The following PRAMEF17 variants were observed in gnomAD, a reference collection of about 807,000 sequenced individuals.
The protein encoded by PRAMEF17 is PRAME family member 17.
A neutral mutation model predicts 36.8 loss-of-function variants in PRAMEF17; 48 were observed. The ratio of observed to expected loss-of-function variants is 1.30; its 90% CI spans 1.03 to 1.66. The LOEUF (loss-of-function observed/expected upper bound fraction) is 1.66. Ranked by LOEUF, PRAMEF17 falls within the 40% of genes most tolerant of loss-of-function variation. PRAMEF17 has a pLI of 0.00. For missense variants in PRAMEF17, 639 were observed against 560.6 expected, an observed-to-expected ratio of 1.14 and a Z score of -1.41; for synonymous variants, 246 against 220.4, an observed-to-expected ratio of 1.12 and a Z score of -1.03.
chr1:13,390,382 G>A lies in PRAMEF17; in HGVS notation c.329G>A (p.Gly110Glu), dbSNP rs200830320. 173,069 of 1,611,126 alleles carry A rather than the reference G, an allele frequency of 0.11. 9,676 individuals are homozygous for A. The highest frequency in any genetic ancestry group is 0.19 in the East Asian group (8,347 of 44,838). ...GTGCTGGATTTGCGGGATGTTGATG[G>A]GAATTTCTGGACTATATGGTCTGGA... ...LQVLDLRDVD[G>E]NFWTIWSGAR... The change falls in exon 2 of 3, where the codon GGG (glycine) becomes GAG (glutamate). Residue 110 changes from glycine (G) to glutamate (E), a missense_variant. Transcript: ENST00000376098.
In PRAMEF17 at chr1:13,392,200, C is replaced by T. The variant is rs1185627037; in HGVS notation, c.1123C>T (p.Arg375Cys). The T allele has an allele frequency of 2.7e-5, 44 of 1,611,848 alleles. No individual in the cohort carries two copies. The highest frequency in any genetic ancestry group is 3.4e-5 in the Non-Finnish European group (40 of 1,179,860). Residue 375 changes from arginine to cysteine, a missense_variant, in exon 3 of 3, where the codon CGC (arginine) becomes TGC (cysteine). Arg to Cys is a radical substitution (Grantham distance 180). Transcript: ENST00000376098. ...QLRVLLPALS[R>C]CSQLTTFYFR... ...CAGGGTCCTCCTGCCTGCCCTGAGC[C>T]GCTGCTCCCAGCTCACCACCTTCTA...
rs367575766 is a variant in PRAMEF17 at position 13,391,952 on chromosome 1, A to G, written c.875A>G (p.Lys292Arg). The G allele has an allele frequency of 4.3e-5, 70 of 1,611,192 alleles. No homozygotes were observed. The African/African-American group carries it at 7.1e-4, about 16-fold the overall frequency. Residue 292 changes from lysine to arginine, a missense_variant, in exon 3 of 3, where the codon AAG (lysine) becomes AGG (arginine). Physicochemically the swap from Lys to Arg is conservative, Grantham distance 26 (BLOSUM62 2). Transcript: ENST00000376098. ...TTTCTTGCTCTCCCCAGGTGCCTCA[A>G]GAACCCCTTGGGAACCTTTATATTC... is the stretch of plus-strand genomic sequence containing the variant. ...EHLEHLLRCL[K>R]NPLGTFIFCH...
rs1176869630 is a variant in PRAMEF17, at chr1:13,389,959, G to A, written c.287+15G>A. ...CTTCGCCCCAGGTGAGGTGACTCAGGTGGCCTGGTGGGAAGGGTCCAGGCA... is the reference window on the plus strand; with the variant it reads ...CTTCGCCCCAGGTGAGGTGACTCAGATGGCCTGGTGGGAAGGGTCCAGGCA... On this transcript the variant is annotated intron_variant, in intron 1 of 2. Coordinates refer to ENST00000376098, the MANE Select transcript of PRAMEF17 (RefSeq NM_001099851.3). 2.8e-4 allele frequency: 449 copies of A among 1,612,190 alleles called. No individual in the cohort carries two copies. The highest frequency in any genetic ancestry group is 3.6e-4 in the Non-Finnish European group (424 of 1,180,016).
At position 13,390,450 on chromosome 1, in the gene PRAMEF17, C is replaced by T. The variant is rs930305856; in HGVS notation, c.397C>T (p.Gln133Ter). The T allele has an allele frequency of 5.6e-6, 9 of 1,611,862 alleles. No individual in the cohort carries two copies. The highest frequency in any genetic ancestry group is 1.3e-5 in the African/African-American group (1 of 74,856). Residue 133 changes from glutamine (Q) to a stop codon, truncating the protein, a stop_gained, in exon 2 of 3, where the codon CAG (glutamine) becomes TAG (stop). Coordinates refer to ENST00000376098, the MANE Select transcript of PRAMEF17 (RefSeq NM_001099851.3). LOFTEE classifies it high-confidence loss of function. ...CTCCCCAGAGGCCATGAGTAAGAGGCAGACAGTGGAGGACTATCCAAGGAC... is the reference window on the plus strand; with the variant it reads ...CTCCCCAGAGGCCATGAGTAAGAGGTAGACAGTGGAGGACTATCCAAGGAC... Reference protein sequence around the residue: ...SCSPEAMSKRQTVEDYPRTGE... With the variant: ...SCSPEAMSKR
rs1200626681 is a variant in PRAMEF17, at chr1:13,390,447, A to C, written c.394A>C (p.Arg132=). ...CTGCTCCCCAGAGGCCATGAGTAAG[A>C]GGCAGACAGTGGAGGACTATCCAAG... ...LSCSPEAMSK[R]QTVEDYPRTG... The change falls in exon 2 of 3, where the codon AGG becomes CGG. Residue 132 remains arginine (R), a synonymous_variant. Transcript: ENST00000376098. 1 of 1,612,016 alleles carries C rather than the reference A, an allele frequency of 6.2e-7. No homozygotes were observed. Among genetic ancestry groups the C allele is most frequent in the Non-Finnish European group, 8.5e-7 (1 of 1,179,854 alleles).
rs756249845 is a variant in PRAMEF17 at position 13,390,521 on chromosome 1, G to C, written c.468G>C (p.Lys156Asn). ...PLKVFIDLCQ[K>N]ESTLDECLSY... ...AGGTGTTCATAGACCTCTGCCAAAA[G>C]GAAAGTACACTGGATGAATGCCTGA... The change falls in exon 2 of 3, where the codon AAG becomes AAC. Residue 156 changes from lysine to asparagine, a missense_variant. By Grantham distance (94) the Lys-to-Asn change is moderately conservative. Transcript: ENST00000376098. The C allele has an allele frequency of 6.2e-7, 1 of 1,612,002 alleles. No homozygotes were observed. Among genetic ancestry groups the C allele is most frequent in the Admixed American group, 1.7e-5 (1 of 60,012 alleles).
chr1:13,392,123 C>T lies in PRAMEF17; in HGVS notation c.1046C>T (p.Ala349Val), dbSNP rs748603589. 5.6e-6 allele frequency: 9 copies of T among 1,611,958 alleles called. No homozygotes were observed. In the South Asian group the frequency reaches 7.7e-5, roughly 14 times the overall value. Residue 349 changes from alanine to valine, a missense_variant, in exon 3 of 3, where the codon GCT (alanine) becomes GTT (valine). Physicochemically the swap from Ala to Val is moderately conservative, Grantham distance 64. Coordinates refer to ENST00000376098, the MANE Select transcript of PRAMEF17 (RefSeq NM_001099851.3). ...GGAGCTCTGCTAGAGAAAGTTGCTG[C>T]TACTCTCGAGATCCTCACGTTAAAG... The part of the protein sequence containing the change: ...PLGALLEKVA[A>V]TLEILTLKDC...
rs1640897991 is a variant in PRAMEF17, at chr1:13,392,393, G to C, written c.1316G>C (p.Cys439Ser). ...ILAPIRAELM[C>S]TLREVRQPKR... ...GCCCCAATTCGGGCTGAGCTGATGT[G>C]TACACTCAGGGAAGTCAGGCAGCCC... The change falls in exon 3 of 3, where the codon TGT becomes TCT. Residue 439 changes from cysteine (C) to serine (S), a missense_variant. By Grantham distance (112) the Cys-to-Ser change is moderately radical (BLOSUM62 -1). Coordinates refer to ENST00000376098, the MANE Select transcript of PRAMEF17 (RefSeq NM_001099851.3). 3 of 1,611,864 alleles carry C rather than the reference G, an allele frequency of 1.9e-6. No homozygotes were observed. The African/African-American group carries it at 4.0e-5, about 22-fold the overall frequency.
chr1:13,391,479 G>A (rs1397454240), intron 2 of PRAMEF17, among the ~76,000 whole-genome samples: 7 of 152,156 alleles, frequency 4.6e-5, no homozygotes, highest in African/African-American at 1.2e-4. Flanking sequence ...AGTGATAGGT[G>A]GTTTGCAGAC....
chr1:13,390,376 T>C lies in PRAMEF17; in HGVS notation c.323T>C (p.Val108Ala). 1 of 1,611,940 alleles carries C rather than the reference T, an allele frequency of 6.2e-7. No individual in the cohort carries two copies. The highest frequency in any genetic ancestry group is 8.5e-7 in the Non-Finnish European group (1 of 1,179,834). The change falls in exon 2 of 3, where the codon GTT becomes GCT. Residue 108 changes from valine to alanine, a missense_variant. Val to Ala is a moderately conservative substitution (Grantham distance 64). Coordinates refer to ENST00000376098, the MANE Select transcript of PRAMEF17 (RefSeq NM_001099851.3). ...CTTCAAGTGCTGGATTTGCGGGATG[T>C]TGATGGGAATTTCTGGACTATATGG... is the stretch of plus-strand genomic sequence containing the variant. ...WKLQVLDLRD[V>A]DGNFWTIWSG...
At chr1:13,390,976 T>G (rs1640872849) in intron 2 of PRAMEF17, 57 bp downstream of exon 2, 14 of 1,609,674 alleles carry the variant, frequency 8.7e-6, no homozygotes, top group Non-Finnish European at 1.2e-5. Flanking sequence ...TTGTTCTTTT[T>G]CACAGTAAAC....
At chr1:13,391,604 G>A (rs1255538188) in intron 2 of PRAMEF17, among the ~76,000 whole-genome samples, 1 of 152,132 alleles carries the variant, frequency 6.6e-6, no homozygotes, top group Non-Finnish European at 1.5e-5. Flanking sequence ...CCAGAGCTGA[G>A]GTTGTCTCCT....
In PRAMEF17 at chr1:13,390,339, A is replaced by T; in HGVS notation, c.288-2A>T. On this transcript the variant is annotated splice_acceptor_variant, in intron 1 of 2. Transcript: ENST00000376098. LOFTEE classifies it high-confidence loss of function. ...TGAGCTTTTCCCCTATGTTACTCAC[A>T]GGAGGTGGAAACTTCAAGTGCTGGA... The T allele has an allele frequency of 6.2e-7, 1 of 1,611,986 alleles. No homozygotes were observed. Among genetic ancestry groups the T allele is most frequent in the Admixed American group, 1.7e-5 (1 of 60,010 alleles).
At position 13,389,682 on chromosome 1, in the gene PRAMEF17, C is replaced by A; in HGVS notation, c.25C>A (p.Leu9Ile). The change falls in exon 1 of 3, where the codon CTC becomes ATC. Residue 9 changes from leucine to isoleucine, a missense_variant. Transcript: ENST00000376098. Reference sequence around the variant, plus strand: ...AATGAGCCTCCAGTCCCCATCCAGACTCCTGGAGCTGGCAGGCCAGAGCCT... The same window carrying A: ...AATGAGCCTCCAGTCCCCATCCAGAATCCTGGAGCTGGCAGGCCAGAGCCT... The part of the protein sequence containing the change: MSLQSPSR[L>I]LELAGQSLLR... 1.2e-6 allele frequency: 2 copies of A among 1,612,052 alleles called. No homozygotes were observed. Among genetic ancestry groups the A allele is most frequent in the South Asian group, 2.2e-5 (2 of 90,992 alleles).
intron 1 of PRAMEF17, 133 bp downstream of exon 1, chr1:13,390,077 A>G (rs1223522767): frequency 4.2e-5 from 60 of 1,422,372 alleles, no homozygotes; most frequent in South Asian, 1.4e-4. Context: ...AGAGACCTTG[A>G]CCATTGCCCA....
rs1392547366 is a variant in PRAMEF17 at position 13,389,675 on chromosome 1, A to G, written c.18A>G (p.Pro6=). The change falls in exon 1 of 3, where the codon CCA becomes CCG. Residue 6 remains proline, a synonymous_variant. Coordinates refer to ENST00000376098, the MANE Select transcript of PRAMEF17 (RefSeq NM_001099851.3). MSLQS[P]SRLLELAGQS... ...TTGTCAGAATGAGCCTCCAGTCCCC[A>G]TCCAGACTCCTGGAGCTGGCAGGCC... is the stretch of plus-strand genomic sequence containing the variant. 2 of 1,611,860 alleles carry G rather than the reference A, an allele frequency of 1.2e-6. No homozygotes were observed. Among genetic ancestry groups the G allele is most frequent in the Non-Finnish European group, 1.7e-6 (2 of 1,179,856 alleles).
Position 13,389,737 on chromosome 1 carries a change from T to C in PRAMEF17, c.80T>C (p.Ile27Thr), listed in dbSNP as rs1393567581. The C allele has an allele frequency of 2.6e-4, 420 of 1,612,264 alleles. No individual in the cohort carries two copies. The highest frequency in any genetic ancestry group is 3.3e-4 in the Non-Finnish European group (392 of 1,180,002). The change falls in exon 1 of 3, where the codon ATC (isoleucine) becomes ACC (threonine). Residue 27 changes from isoleucine to threonine, a missense_variant. Physicochemically the swap from Ile to Thr is moderately conservative, Grantham distance 89. Transcript: ENST00000376098. ...AGGAACCAGTTCTTGACCATCTTCA[T>C]CCTGGACGAGCTGCCCAGGGAGGTC... is the stretch of plus-strand genomic sequence containing the variant. ...LLRNQFLTIF[I>T]LDELPREVFP...
chr1:13,391,881 G>A, intron 2 of PRAMEF17, 63 bp from the exon 3 acceptor site: 1 of 1,592,434 alleles, frequency 6.3e-7, no homozygotes, highest in Non-Finnish European at 8.6e-7. Flanking sequence ...CCATTGAGAT[G>A]ATTTCCCACC....
chr1:13,391,876 G>C, intron 2 of PRAMEF17, 68 bp from the exon 3 acceptor site: 2 of 1,587,274 alleles, frequency 1.3e-6, no homozygotes, highest in Non-Finnish European at 1.7e-6. Flanking sequence ...GTTTACCATT[G>C]AGATGATTTC....
Sources: allele counts gnomAD v4.1 joint callset (sites outside exome capture counted in the v4.1 genomes callset), GRCh38; gene constraint gnomAD v4.1.1; transcripts MANE v1.5; gene names NCBI Gene and HGNC (gene_info 2026-07-23, HGNC 2026-07-21).